Variants in IL1RAPL1 observed in about 807,000 individuals in gnomAD.
IL1RAPL1 encodes interleukin-1 receptor accessory protein-like 1.
In IL1RAPL1, 3 loss-of-function variants were observed where a neutral mutation model predicts 48.4. That is an observed-to-expected ratio of 0.06 (90% CI 0.03 to 0.16). The LOEUF is 0.16. Ranked by LOEUF, IL1RAPL1 falls within the 10% of genes least tolerant of loss-of-function variation. IL1RAPL1 has a pLI of 1.00. For missense variants in IL1RAPL1, 349 were observed against 530.6 expected (o/e 0.66, Z 3.36); for synonymous variants, 185 against 187.7 (o/e 0.99, Z 0.12).
chrX:28,675,023 G>T (rs1190851618), intron 1 of IL1RAPL1, among the ~76,000 whole-genome samples: 2 of 111,782 alleles, frequency 1.8e-5, no homozygotes, highest in African/African-American at 6.5e-5. Context: ...AAATAGCCTA[G>T]TTGGTGTATA....
intron 3 of IL1RAPL1, among the ~76,000 whole-genome samples, chrX:29,347,804 T>C (rs192818754): frequency 3.3e-4 from 37 of 111,747 alleles, no homozygotes; most frequent in African/African-American, 1.2e-3. Context: ...GGGACCCTGA[T>C]TAAGTAAAAT....
At chrX:28,929,791 A>G (rs1016009238) in intron 2 of IL1RAPL1, among the ~76,000 whole-genome samples, 4 of 112,459 alleles carry the variant, frequency 3.6e-5, no homozygotes, top group African/African-American at 1.3e-4. Flanking sequence ...AAACAATCCC[A>G]TCCTTTTGTT....
At chrX:29,743,416 A>G (rs192459511) in intron 6 of IL1RAPL1, among the ~76,000 whole-genome samples, 5 of 111,305 alleles carry the variant, frequency 4.5e-5, no homozygotes, top group African/African-American at 1.6e-4. Flanking sequence ...ACGGGCAAAT[A>G]TAATGCTGCT....
intron 2 of IL1RAPL1, among the ~76,000 whole-genome samples, chrX:29,106,815 T>G (rs1408173745): frequency 3.6e-5 from 4 of 111,633 alleles, no homozygotes; most frequent in African/African-American, 1.3e-4. Flanking sequence ...TGTACAGATT[T>G]TTTTATTTTA....
intron 2 of IL1RAPL1, among the ~76,000 whole-genome samples, chrX:28,924,989 G>A (rs767396632): frequency 6.3e-5 from 7 of 111,003 alleles, no homozygotes; most frequent in African/African-American, 2.3e-4. Context: ...CTGACTTTTC[G>A]TATACCACCT....
intron 1 of IL1RAPL1, among the ~76,000 whole-genome samples, chrX:28,691,379 C>T (rs1357377384): frequency 8.9e-6 from 1 of 111,945 alleles, no homozygotes; most frequent in Admixed American, 9.5e-5. Context: ...TCAGGAAAAA[C>T]TTGCCTGACC....
intron 2 of IL1RAPL1, among the ~76,000 whole-genome samples, chrX:28,798,734 A>T (rs1463442112): frequency 8.9e-6 from 1 of 111,962 alleles, no homozygotes. Context: ...GGAAGAGAAA[A>T]GAACAGGGAA....
intron 6 of IL1RAPL1, among the ~76,000 whole-genome samples, chrX:29,854,540 G>A (rs1283308131): frequency 9.0e-6 from 1 of 111,588 alleles, no homozygotes; most frequent in Non-Finnish European, 1.9e-5. Context: ...CCAAGGTCAG[G>A]ATTGGGGGCT....
chrX:28,885,223 T>C (rs1190752730), intron 2 of IL1RAPL1, among the ~76,000 whole-genome samples: 2 of 111,405 alleles, frequency 1.8e-5, no homozygotes, highest in Non-Finnish European at 3.8e-5. Context: ...TTATAATCAG[T>C]TTTCTACAAT....
chrX:29,805,670 A>G (rs951813624), intron 6 of IL1RAPL1, among the ~76,000 whole-genome samples: 5 of 111,657 alleles, frequency 4.5e-5, no homozygotes, highest in African/African-American at 1.6e-4. Flanking sequence ...TTCAAAAGAT[A>G]AAAAGTTTAG....
chrX:28,891,206 A>C (rs780396771), intron 2 of IL1RAPL1, among the ~76,000 whole-genome samples: 2 of 111,781 alleles, frequency 1.8e-5, no homozygotes, highest in Non-Finnish European at 3.8e-5. Context: ...TTAATTAATT[A>C]ATTCAGTCAG....
intron 5 of IL1RAPL1, among the ~76,000 whole-genome samples, chrX:29,541,583 C>T (rs1423290651): frequency 9.0e-6 from 1 of 111,642 alleles, no homozygotes; most frequent in Non-Finnish European, 1.9e-5. Context: ...ATATTATCTA[C>T]GCTATGGAAT....
At chrX:29,257,144 G>A (rs1262448341) in intron 2 of IL1RAPL1, among the ~76,000 whole-genome samples, 3 of 111,431 alleles carry the variant, frequency 2.7e-5, no homozygotes, top group Non-Finnish European at 5.7e-5. Flanking sequence ...AAAATAGTGA[G>A]CCAAACACAT....
At position 29,527,560 on chromosome X, in the gene IL1RAPL1, C is replaced by G. The variant is rs192271878; in HGVS notation, c.703+128252C>G. Among the ~76,000 whole-genome samples, 33 of 109,092 alleles carry G rather than the reference C, an allele frequency of 3.0e-4. No homozygotes were observed. In the East Asian group the frequency reaches 8.1e-3, roughly 27 times the overall value. The allele number at this position is 109,092 out of a possible 115,157, so 94.7% of individuals were successfully genotyped here. A position where few individuals can be genotyped will look rare whatever the true frequency, so the allele number is the denominator to read the frequency against. On this transcript the variant is annotated intron_variant, in intron 5 of 10. Coordinates refer to ENST00000378993, the MANE Select transcript of IL1RAPL1 (RefSeq NM_014271.4). The stretch of plus-strand genomic sequence containing the variant: ...CAAGATGGTCTCGATCTCCTGACCT[C>G]GTGATCTGCCCGCCTCATCCTCCCA...
chrX:28,951,412 G>T (rs749224972), intron 2 of IL1RAPL1, among the ~76,000 whole-genome samples: 49 of 49,639 alleles, frequency 9.9e-4, no homozygotes, highest in African/African-American at 5.9e-3. Context: ...ATGATAAATG[G>T]TAAAAAAAAA....
chrX:28,680,073 T>C (rs1166514549), intron 1 of IL1RAPL1, among the ~76,000 whole-genome samples: 2 of 111,927 alleles, frequency 1.8e-5, no homozygotes, highest in Non-Finnish European at 3.8e-5. Flanking sequence ...TTAACAATAC[T>C]AATTTTTCTA....
chrX:28,795,517 T>C (rs1323286592), intron 2 of IL1RAPL1, among the ~76,000 whole-genome samples: 2 of 111,195 alleles, frequency 1.8e-5, no homozygotes, highest in Non-Finnish European at 3.8e-5. Context: ...AAAGGCAGTA[T>C]GAATGAATCT....
chrX:28,832,269 A>G (rs1014239479), intron 2 of IL1RAPL1, among the ~76,000 whole-genome samples: 6 of 110,514 alleles, frequency 5.4e-5, no homozygotes, highest in Non-Finnish European at 1.1e-4. Context: ...TACCCTTCCC[A>G]ACCTTTGGTA....
At chrX:29,877,249 G>C (rs557727310) in intron 6 of IL1RAPL1, among the ~76,000 whole-genome samples, 1 of 111,265 alleles carries the variant, frequency 9.0e-6, no homozygotes, top group South Asian at 3.8e-4. Context: ...TTCATTCTTA[G>C]TTTGGGCAAA....
Sources: gnomAD v4.1 joint callset for allele counts (sites outside exome capture counted in the v4.1 genomes callset) on GRCh38, gnomAD v4.1.1 for gene constraint, MANE v1.5 for transcripts, NCBI Gene and HGNC (gene_info 2026-07-23, HGNC 2026-07-21) for gene names.